ODAD2: variants seen among roughly 807,000 people sequenced by gnomAD.
The protein encoded by ODAD2 is outer dynein arm-docking complex subunit 2.
Under a neutral mutation model 106.8 loss-of-function variants are expected in ODAD2, and 89 were observed. The ratio of observed to expected loss-of-function variants is 0.83; its 90% confidence interval spans 0.70 to 0.99. ODAD2 has a LOEUF of 0.99. ODAD2 is among the 50% of genes least tolerant of loss of function. ODAD2 has a pLI of 0.00. For synonymous variants in ODAD2, 404 were observed against 436.2 expected, an observed-to-expected ratio of 0.93 and a Z score of 0.92; for missense variants, 1,168 against 1,238.5, an observed-to-expected ratio of 0.94 and a Z score of 0.85.
intron 19 of ODAD2, among the ~76,000 whole-genome samples, chr10:27,855,607 C>T (rs114715337): frequency 3.2e-4 from 48 of 152,112 alleles, no homozygotes; most frequent in African/African-American, 1.0e-3. Context: ...ATCTAAAATC[C>T]GTTTACTTGA....
chr10:27,862,608 C>A lies in ODAD2; in HGVS notation c.2625G>T (p.Met875Ile). The change falls in exon 18 of 20, where the codon ATG (methionine) becomes ATT (isoleucine). Residue 875 changes from methionine (M) to isoleucine (I), a missense_variant. Met to Ile is a conservative substitution (Grantham distance 10, BLOSUM62 1). Around this residue, in one of 3 missense-constraint regions of ODAD2, gnomAD observed 701 missense variants for 712.3 expected, o/e 0.98. Transcript: ENST00000305242. ...CIKNAKDAGE[M>I]VRSFVGGLEL... ...CCAAACCACCAACAAAGGAACGAAC[C>A]ATTTCCCCAGCATCCTAGACAAAAA... The A allele has an allele frequency of 6.2e-7, 1 of 1,603,680 alleles. No individual in the cohort carries two copies. Among genetic ancestry groups the A allele is most frequent in the Non-Finnish European group, 8.5e-7 (1 of 1,175,958 alleles).
intron 17 of ODAD2, among the ~76,000 whole-genome samples, chr10:27,865,299 T>C (rs1228808334): frequency 2.0e-5 from 3 of 152,176 alleles, no homozygotes; most frequent in Non-Finnish European, 2.9e-5. Flanking sequence ...ACTAAAATAT[T>C]TGTATTTTTA....
chr10:27,868,570 C>T (rs1470980745), intron 17 of ODAD2, among the ~76,000 whole-genome samples: 3 of 152,144 alleles, frequency 2.0e-5, no homozygotes, highest in African/African-American at 7.2e-5. Context: ...CCTCAGCGAA[C>T]TAACACACGA....
intron 19 of ODAD2, among the ~76,000 whole-genome samples, chr10:27,848,911 G>A (rs1490649828): frequency 6.6e-6 from 1 of 152,214 alleles, no homozygotes; most frequent in Non-Finnish European, 1.5e-5. Flanking sequence ...AACACGTGCT[G>A]GAGAGGATGT....
rs1846361957 is a variant in ODAD2, at chr10:27,940,812, T to C, written c.1744-7A>G. 1.2e-6 allele frequency: 2 copies of C among 1,610,156 alleles called. No homozygotes were observed. The highest frequency in any genetic ancestry group is 1.7e-6 in the Non-Finnish European group (2 of 1,177,156). The stretch of plus-strand genomic sequence containing the variant: ...CACAGTCTAGTAGAGCAACCTATAA[T>C]AATAGATAAATCCAATGTTCATGGA... On this transcript the variant is annotated splice_region_variant and splice_polypyrimidine_tract_variant and intron_variant, in intron 12 of 19. Transcript: ENST00000305242.
intron 16 of ODAD2, among the ~76,000 whole-genome samples, chr10:27,911,255 G>C (rs113027857): frequency 5.9e-5 from 9 of 152,102 alleles, no homozygotes; most frequent in Non-Finnish European, 1.2e-4. Context: ...GAGCTGGAAC[G>C]AAAAGTCAGA....
At chr10:27,983,812 G>A in intron 6 of ODAD2, 31 bp downstream of exon 6, 1 of 1,604,244 alleles carries the variant, frequency 6.2e-7, no homozygotes, top group Non-Finnish European at 8.5e-7. Flanking sequence ...AAGTCCACTG[G>A]CTTTAGTTAC....
intron 19 of ODAD2, among the ~76,000 whole-genome samples, chr10:27,852,345 C>T (rs1369946604): frequency 6.6e-6 from 1 of 152,100 alleles, no homozygotes; most frequent in Non-Finnish European, 1.5e-5. Context: ...AAGAACAATA[C>T]AGTTGAGCTT....
At chr10:27,971,487 G>A (rs902492218) in intron 7 of ODAD2, among the ~76,000 whole-genome samples, 174 bp from the exon 8 acceptor site, 5 of 152,106 alleles carry the variant, frequency 3.3e-5, no homozygotes, top group African/African-American at 1.2e-4. Context: ...TTGGAGTTAG[G>A]TGGACAGTAA....
intron 19 of ODAD2, among the ~76,000 whole-genome samples, chr10:27,838,467 A>G (rs933377393): frequency 1.2e-4 from 18 of 152,256 alleles, no homozygotes; most frequent in Admixed American, 7.2e-4. Context: ...TCCAATGGAA[A>G]GAATATATTT....
chr10:27,881,281 C>A (rs1841687941), intron 17 of ODAD2, among the ~76,000 whole-genome samples: 1 of 152,090 alleles, frequency 6.6e-6, no homozygotes, highest in African/African-American at 2.4e-5. Context: ...ATGTCATTAA[C>A]CCTTATGAAT....
intron 2 of ODAD2, among the ~76,000 whole-genome samples, chr10:27,989,484 T>C (rs1850086936): frequency 6.6e-6 from 1 of 152,190 alleles, no homozygotes; most frequent in African/African-American, 2.4e-5. Context: ...GCCTGTTACC[T>C]AAAGGTTACT....
At chr10:27,964,348 TG>T (rs1203338729) in intron 9 of ODAD2, among the ~76,000 whole-genome samples, 1 of 152,190 alleles carries the variant, frequency 6.6e-6, no homozygotes, top group Admixed American at 6.5e-5. Context: ...TTAACTTACG[TG>T]TGCCTCGGTT....
intron 17 of ODAD2, among the ~76,000 whole-genome samples, chr10:27,884,349 A>T (rs1408826912): frequency 6.6e-6 from 1 of 152,220 alleles, no homozygotes; most frequent in Non-Finnish European, 1.5e-5. Flanking sequence ...AAATCAGCTC[A>T]GATATCTAAA....
chr10:27,830,863 G>A (rs1837421983), intron 19 of ODAD2, among the ~76,000 whole-genome samples: 1 of 152,176 alleles, frequency 6.6e-6, no homozygotes, highest in South Asian at 2.1e-4. Flanking sequence ...TGTTAATATG[G>A]CTGTCTTCAG....
chr10:27,831,790 G>A (rs1406280133), intron 19 of ODAD2, among the ~76,000 whole-genome samples: 18 of 152,212 alleles, frequency 1.2e-4, no homozygotes, highest in Admixed American at 5.9e-4. Flanking sequence ...AGTCCCAGCT[G>A]TGTGTCTTTA....
intron 17 of ODAD2, among the ~76,000 whole-genome samples, chr10:27,894,321 A>T (rs1243799859): frequency 1.1e-4 from 16 of 152,120 alleles, no homozygotes; most frequent in Non-Finnish European, 1.5e-5. Flanking sequence ...GACCTCAAAA[A>T]AATTCCAAGT....
At chr10:27,879,613 A>C (rs1166698029) in intron 17 of ODAD2, among the ~76,000 whole-genome samples, 5 of 152,088 alleles carry the variant, frequency 3.3e-5, no homozygotes. Context: ...TTACAAGAAA[A>C]AAATCTAACT....
In ODAD2 at chr10:27,987,058, C is replaced by T. The variant is rs1489401425; in HGVS notation, c.382+328G>A. On this transcript the variant is annotated intron_variant, in intron 3 of 19. Coordinates refer to ENST00000305242, the MANE Select transcript of ODAD2 (RefSeq NM_018076.5). ...CCTTGTCATCTGTCTTCTCTATTGA[C>T]ACTGACCTAACAGGCTACAGCCCCC... Among the ~76,000 whole-genome samples, 4 of 152,210 alleles carry T rather than the reference C, an allele frequency of 2.6e-5. No individual in the cohort carries two copies. The South Asian group carries it at 6.2e-4, about 24-fold the overall frequency.
Sources: gnomAD v4.1 joint callset for allele counts (sites outside exome capture counted in the v4.1 genomes callset) on GRCh38, gnomAD v4.1.1 for gene constraint, gnomAD v4.1.1 regional missense constraint, MANE v1.5 for transcripts, NCBI Gene and HGNC (gene_info 2026-07-23, HGNC 2026-07-21) for gene names.